The following PIGL variants were observed in gnomAD, a reference collection of about 807,000 sequenced individuals.
PIGL encodes phosphatidylinositol glycan anchor biosynthesis class L, also known as N-acetylglucosaminyl-phosphatidylinositol de-N-acetylase.
A neutral mutation model predicts 31.1 loss-of-function variants in PIGL; 22 were observed. That is an observed-to-expected ratio of 0.71 (90% CI 0.51 to 1.01). The LOEUF is 1.01. Among genes scored for constraint, PIGL ranks in the 50% least tolerant of loss-of-function variants. PIGL has a pLI of 0.00. For synonymous variants in PIGL, 131 were observed against 117.4 expected, an observed-to-expected ratio of 1.12 and a Z score of -0.75; for missense variants, 302 against 315.9, an observed-to-expected ratio of 0.96 and a Z score of 0.33.
chr17:16,248,898 AG>A (rs1568795013), intron 2 of PIGL, among the ~76,000 whole-genome samples: 2 of 152,168 alleles, frequency 1.3e-5, no homozygotes, highest in African/African-American at 4.8e-5. Context: ...AAGGTCTGGC[AG>A]GGTTGGTTTC....
At chr17:16,319,379 C>A (rs1213340700) in intron 6 of PIGL, among the ~76,000 whole-genome samples, 1 of 152,084 alleles carries the variant, frequency 6.6e-6, no homozygotes. Context: ...TTTTGATTTG[C>A]CACTTTATCA....
At chr17:16,297,883 G>A (rs1406633919) in intron 2 of PIGL, among the ~76,000 whole-genome samples, 1 of 152,220 alleles carries the variant, frequency 6.6e-6, no homozygotes, top group Non-Finnish European at 1.5e-5. Context: ...CAGGTCCGTG[G>A]CCTGTTAGGA....
intron 1 of PIGL, among the ~76,000 whole-genome samples, chr17:16,229,891 C>T (rs1282803985): frequency 1.9e-5 from 2 of 105,798 alleles, no homozygotes; most frequent in Admixed American, 2.9e-4. Context: ...GAGACGGAGT[C>T]TCGCTCTGTC....
In PIGL at chr17:16,301,641, C is replaced by T. The variant is rs564637800; in HGVS notation, c.426+1663C>T. On this transcript the variant is annotated intron_variant, in intron 3 of 6. Transcript: ENST00000225609. The stretch of plus-strand genomic sequence containing the variant: ...GGCTGGAGTGCAGTGGTGTGATCGC[C>T]GCTCACTGCAAGCTCCGCCTCCCGG... 1.5e-4 allele frequency among the ~76,000 whole-genome samples: 22 copies of T among 147,798 alleles called. No homozygotes were observed. The South Asian group carries it at 3.3e-3, about 22-fold the overall frequency.
chr17:16,239,975 T>C (rs1192716973), intron 2 of PIGL, among the ~76,000 whole-genome samples: 2 of 152,110 alleles, frequency 1.3e-5, no homozygotes, highest in Admixed American at 1.3e-4. Context: ...GTGATATGAT[T>C]TCGATCTGTG....
chr17:16,275,244 C>T (rs750342412), intron 2 of PIGL, among the ~76,000 whole-genome samples: 2 of 152,144 alleles, frequency 1.3e-5, no homozygotes, highest in African/African-American at 4.8e-5. Flanking sequence ...AACTTCCTGA[C>T]GTTGCTATGG....
In PIGL at chr17:16,326,103, A is replaced by C; in HGVS notation, c.*205A>C. On this transcript the variant is annotated 3_prime_UTR_variant, in exon 7 of 7. Transcript: ENST00000225609. ...AAAAAACCCAAAGAACCAAAAACAA[A>C]CCACCCCAAGGATAATAATAGCTAC... 1 of 558,554 alleles carries C rather than the reference A, an allele frequency of 1.8e-6. No individual in the cohort carries two copies. 34.6% of individuals were successfully genotyped at this position (558,554 alleles called of 1,614,324 possible).
chr17:16,229,409 C>T (rs1386055501), intron 1 of PIGL, among the ~76,000 whole-genome samples: 5 of 149,422 alleles, frequency 3.3e-5, no homozygotes, highest in Non-Finnish European at 7.4e-5. Context: ...GGGTTATTTC[C>T]AATTTGGGGC....
chr17:16,314,118 G>A (rs1041548276), intron 4 of PIGL, among the ~76,000 whole-genome samples: 1 of 152,120 alleles, frequency 6.6e-6, no homozygotes, highest in Non-Finnish European at 1.5e-5. Context: ...ACAGTCACCC[G>A]ATTTTACTGA....
intron 2 of PIGL, among the ~76,000 whole-genome samples, chr17:16,250,840 G>A (rs1472722714): frequency 6.6e-6 from 1 of 152,206 alleles, no homozygotes; most frequent in Non-Finnish European, 1.5e-5. Context: ...GCTGGCATTT[G>A]AGCTGATGCA....
rs188433355 is a variant in PIGL, at chr17:16,236,022, A to G, written c.335+1952A>G. 2.0e-5 allele frequency among the ~76,000 whole-genome samples: 3 copies of G among 152,138 alleles called. No individual in the cohort carries two copies. The South Asian group carries it at 6.2e-4, about 31-fold the overall frequency. ...AGAAGTTGCAAAATGCTTAGTTTCC[A>G]ATAGTCTCACATATTCTATGTGTAC... On this transcript the variant is annotated intron_variant, in intron 2 of 6. Coordinates refer to ENST00000225609, the MANE Select transcript of PIGL (RefSeq NM_004278.4).
chr17:16,320,308 GGGAA>G (rs2093099028), intron 6 of PIGL, among the ~76,000 whole-genome samples: 2 of 127,066 alleles, frequency 1.6e-5, no homozygotes, highest in East Asian at 5.2e-4. Context: ...GGGAAGGGAA[GGGAA>G]GGAAGGAAGG....
intron 2 of PIGL, among the ~76,000 whole-genome samples, chr17:16,290,899 T>G (rs2092957645): frequency 6.6e-6 from 1 of 152,120 alleles, no homozygotes; most frequent in Admixed American, 6.5e-5. Flanking sequence ...AGGCTGGTCT[T>G]GAACTCCTGT....
chr17:16,320,038 C>A (rs2093096493), intron 6 of PIGL, among the ~76,000 whole-genome samples: 1 of 150,550 alleles, frequency 6.6e-6, no homozygotes, highest in African/African-American at 2.4e-5. Flanking sequence ...GTAGTCTCAG[C>A]TGCTTGGGAG....
intron 2 of PIGL, among the ~76,000 whole-genome samples, chr17:16,242,922 A>G (rs2092729268): frequency 6.6e-6 from 1 of 151,672 alleles, no homozygotes; most frequent in African/African-American, 2.4e-5. Context: ...TCCATTTCTT[A>G]TTTCTTTGAG....
intron 2 of PIGL, among the ~76,000 whole-genome samples, chr17:16,283,412 G>A (rs1568821195): frequency 6.6e-6 from 1 of 152,154 alleles, no homozygotes; most frequent in South Asian, 2.1e-4. Flanking sequence ...AGGCTGCAGT[G>A]AGCTGTGTTT....
intron 5 of PIGL, 141 bp downstream of exon 5, chr17:16,316,853 C>G: frequency 1.4e-6 from 2 of 1,474,112 alleles, no homozygotes; most frequent in Non-Finnish European, 1.8e-6. Flanking sequence ...CTCTTCCTGA[C>G]TCACCTCAAG....
chr17:16,276,135 A>G (rs1180794591), intron 2 of PIGL, among the ~76,000 whole-genome samples: 2 of 152,242 alleles, frequency 1.3e-5, no homozygotes, highest in Admixed American at 1.3e-4. Context: ...CAGTAAGCTT[A>G]TCCTGCATTC....
intron 3 of PIGL, among the ~76,000 whole-genome samples, chr17:16,305,627 T>C (rs1202268888): frequency 1.3e-5 from 2 of 152,114 alleles, no homozygotes; most frequent in Non-Finnish European, 2.9e-5. Flanking sequence ...ATTTCAAAAG[T>C]GATGGAGCTG....
Sources: gnomAD v4.1 joint callset for allele counts (sites outside exome capture counted in the v4.1 genomes callset) on GRCh38, gnomAD v4.1.1 for gene constraint, MANE v1.5 for transcripts, NCBI Gene and HGNC (gene_info 2026-07-23, HGNC 2026-07-21) for gene names.